NEIL3: variants seen among roughly 807,000 people sequenced by gnomAD.
NEIL3 encodes endonuclease 8-like 3.
In NEIL3, 48 loss-of-function variants were observed where a neutral mutation model predicts 57.5. The observed-to-expected ratio is 0.83, with a 90% CI of 0.66 to 1.06. NEIL3 has a LOEUF of 1.06. Ranked by LOEUF, NEIL3 falls within the 50% of genes least tolerant of loss-of-function variation. NEIL3 has a pLI of 0.00. For synonymous variants in NEIL3, 261 were observed against 253.2 expected, an observed-to-expected ratio of 1.03 and a Z score of -0.29; for missense variants, 717 against 739.1, an observed-to-expected ratio of 0.97 and a Z score of 0.35.
chr4:177,328,754 A>G (rs1553987250), intron 2 of NEIL3, among the ~76,000 whole-genome samples: 1 of 152,172 alleles, frequency 6.6e-6, no homozygotes, highest in Non-Finnish European at 1.5e-5. Flanking sequence ...GGAATGGGAA[A>G]CTTGGAAGTA....
At chr4:177,322,192 G>C (rs936983161) in intron 1 of NEIL3, among the ~76,000 whole-genome samples, 9 of 152,198 alleles carry the variant, frequency 5.9e-5, no homozygotes, top group Admixed American at 5.2e-4. Context: ...GAGCTATATG[G>C]TCCTGGAAGA....
intron 2 of NEIL3, among the ~76,000 whole-genome samples, chr4:177,330,724 C>A (rs773094784): frequency 2.0e-5 from 3 of 152,042 alleles, no homozygotes; most frequent in Non-Finnish European, 4.4e-5. Flanking sequence ...AAAAAGAAAT[C>A]AATTTTAATA....
intron 6 of NEIL3, among the ~76,000 whole-genome samples, chr4:177,350,467 G>A (rs1042691859): frequency 2.0e-5 from 3 of 152,114 alleles, no homozygotes; most frequent in African/African-American, 7.2e-5. Context: ...CAAAAATCAG[G>A]GTTTTATTGT....
rs527266395 is a variant in NEIL3, at chr4:177,320,949, G to A, written c.157-1510G>A. On this transcript the variant is annotated intron_variant, in intron 1 of 9. Coordinates refer to ENST00000264596, the MANE Select transcript of NEIL3 (RefSeq NM_018248.3). ...CTTGAATGGGTTTAGTGGAAGAATA[G>A]TGTCTGTCTCTTTTTTTTTTTTTTC... Among the ~76,000 whole-genome samples the A allele has an allele frequency of 4.9e-3, 747 of 151,096 alleles. 4 individuals carry two copies. Among genetic ancestry groups the A allele is most frequent in the Middle Eastern group, 0.02 (6 of 294 alleles).
downstream of NEIL3, among the ~76,000 whole-genome samples, chr4:177,366,688 C>A (rs1321370515): frequency 6.6e-6 from 1 of 152,200 alleles, no homozygotes; most frequent in East Asian, 1.9e-4. Flanking sequence ...CGTGAGCCAC[C>A]GCGCCAGGCC....
At position 177,362,346 on chromosome 4, in the gene NEIL3, G is replaced by C; in HGVS notation, c.1693G>C (p.Val565Leu). The change falls in exon 10 of 10, where the codon GTA becomes CTA. Residue 565 changes from valine (V) to leucine (L), a missense_variant. Coordinates refer to ENST00000264596, the MANE Select transcript of NEIL3 (RefSeq NM_018248.3). ...TGGCAAGCGTTCCACCATGAAAACA[G>C]TATTGAAGATTGGACCTAACAATGG... ...NHGKRSTMKT[V>L]LKIGPNNGKN... 6.2e-7 allele frequency: 1 copy of C among 1,613,176 alleles called. No individual in the cohort carries two copies.
At chr4:177,325,513 C>T (rs899814052) in intron 2 of NEIL3, among the ~76,000 whole-genome samples, 4 of 152,070 alleles carry the variant, frequency 2.6e-5, no homozygotes, top group Admixed American at 1.3e-4. Flanking sequence ...TGAATATTCA[C>T]ATACATATGA....
intron 1 of NEIL3, among the ~76,000 whole-genome samples, chr4:177,321,569 C>A (rs569382660): frequency 6.6e-6 from 1 of 152,202 alleles, no homozygotes; most frequent in African/African-American, 2.4e-5. Context: ...CACAGAAGAA[C>A]CTACATTTTA....
At chr4:177,311,139 C>G (rs539353300) in intron 1 of NEIL3, among the ~76,000 whole-genome samples, 5 of 151,898 alleles carry the variant, frequency 3.3e-5, no homozygotes, top group African/African-American at 9.7e-5. Flanking sequence ...TAGATGGTTT[C>G]TTAAGAATAT....
chr4:177,330,632 C>G (rs1350771174), intron 2 of NEIL3, among the ~76,000 whole-genome samples: 1 of 152,062 alleles, frequency 6.6e-6, no homozygotes, highest in African/African-American at 2.4e-5. Context: ...AAATGATAAA[C>G]TTTTAGCTCA....
intron 1 of NEIL3, among the ~76,000 whole-genome samples, chr4:177,322,066 T>A (rs529868267): frequency 2.2e-4 from 33 of 152,340 alleles, no homozygotes; most frequent in African/African-American, 7.7e-4. Flanking sequence ...TGTTTTTATC[T>A]GACCACTCTT....
At chr4:177,323,254 T>C (rs35513008) in intron 2 of NEIL3, among the ~76,000 whole-genome samples, 72 of 152,368 alleles carry the variant, frequency 4.7e-4, no homozygotes, top group African/African-American at 1.6e-3. Context: ...AATCTCATTC[T>C]GTCTTTTCTG....
At chr4:177,351,206 C>CAAAAAAAAAAAAAAAAAAAAAA (rs749430879) in intron 6 of NEIL3, among the ~76,000 whole-genome samples, 174 bp from the exon 7 acceptor site, 2 of 58,516 alleles carry the variant, frequency 3.4e-5, no homozygotes, top group African/African-American at 1.6e-4. Flanking sequence ...CCCATCTCTA[C>CAAAAAAAAAAAAAAAAAAAAAA]AAAAAAAAAA....
chr4:177,344,537 G>A (rs1181538115), intron 6 of NEIL3, among the ~76,000 whole-genome samples: 2 of 151,928 alleles, frequency 1.3e-5, no homozygotes, highest in African/African-American at 2.4e-5. Context: ...TAATACTGAT[G>A]CTATTTATTG....
In NEIL3 at chr4:177,360,557, T is replaced by C; in HGVS notation, c.1515T>C (p.Pro505=). Residue 505 remains proline (P), a synonymous_variant, in exon 9 of 10, where the codon CCT becomes CCC. Coordinates refer to ENST00000264596, the MANE Select transcript of NEIL3 (RefSeq NM_018248.3). ...CTCGTACCTTAAATCCTGACAGCCC[T>C]CGCTGCAGTAAACACAACCGCCTCT... ...DGPRTLNPDS[P]RCSKHNRLCI... is the part of the protein sequence containing the mutation. The C allele has an allele frequency of 6.2e-7, 1 of 1,614,042 alleles. No homozygotes were observed. Among genetic ancestry groups the C allele is most frequent in the Non-Finnish European group, 8.5e-7 (1 of 1,179,946 alleles).
At chr4:177,333,743 A>G (rs1326549891) in intron 2 of NEIL3, among the ~76,000 whole-genome samples, 1 of 152,168 alleles carries the variant, frequency 6.6e-6, no homozygotes, top group Non-Finnish European at 1.5e-5. Context: ...GAGATCTCTT[A>G]ATGCTAGCAG....
chr4:177,351,382 AGCTACC>A lies in NEIL3; in HGVS notation c.874_879del (p.Leu292_Pro293del). The A allele has an allele frequency of 6.2e-7, 1 of 1,601,284 alleles. No homozygotes were observed. On this transcript the variant is annotated inframe_deletion, in exon 7 of 10. Transcript: ENST00000264596. ...TAATTTTAAAAATTATCTTATAGCA[AGCTACC>A]GACTAGAAATACTATAATCAGTTGG...
intron 8 of NEIL3, among the ~76,000 whole-genome samples, chr4:177,355,534 C>T (rs867023350): frequency 3.9e-5 from 6 of 152,058 alleles, no homozygotes; most frequent in Non-Finnish European, 8.8e-5. Context: ...CAAATATTTT[C>T]GATCCAAGGT....
rs1266274851 is a variant in NEIL3 at position 177,362,872 on chromosome 4, A to G, written c.*401A>G. On this transcript the variant is annotated 3_prime_UTR_variant, in exon 10 of 10. Transcript: ENST00000264596. Reference sequence around the variant, plus strand: ...AATACATTTCTCATGTACTAACACTATTTATAATATATGATTAAAGATATT... The same window carrying G: ...AATACATTTCTCATGTACTAACACTGTTTATAATATATGATTAAAGATATT... 2 of 152,426 alleles carry G rather than the reference A, an allele frequency of 1.3e-5. No homozygotes were observed. Among genetic ancestry groups the G allele is most frequent in the African/African-American group, 4.8e-5 (2 of 41,474 alleles). 9.4% of individuals were successfully genotyped at this position (152,426 alleles called of 1,614,324 possible). A position where few individuals can be genotyped will look rare whatever the true frequency, so the allele number is the denominator to read the frequency against.
Sources: allele counts gnomAD v4.1 joint callset (sites outside exome capture counted in the v4.1 genomes callset), GRCh38; gene constraint gnomAD v4.1.1; transcripts MANE v1.5; gene names NCBI Gene and HGNC (gene_info 2026-07-23, HGNC 2026-07-21).